LRFN5: variants seen among roughly 807,000 people sequenced by gnomAD.
The protein encoded by LRFN5 is leucine-rich repeat and fibronectin type-III domain-containing protein 5.
LRFN5 carries 24 observed loss-of-function variants against 45.6 expected under a neutral mutation model. The ratio of observed to expected loss-of-function variants is 0.53; its 90% CI spans 0.38 to 0.74. LRFN5 has a LOEUF of 0.74. LRFN5 is among the 30% of genes least tolerant of loss of function. The pLI is 0.00. For missense variants in LRFN5, 776 were observed against 861.5 expected, an observed-to-expected ratio of 0.90 and a Z score of 1.24; for synonymous variants, 340 against 313.8, an observed-to-expected ratio of 1.08 and a Z score of -0.88.
At chr14:41,850,853 A>T (rs190659046) in intron 2 of LRFN5, among the ~76,000 whole-genome samples, 152 of 151,884 alleles carry the variant, frequency 1.0e-3, no homozygotes, top group African/African-American at 3.4e-3. Context: ...AAAACAATTT[A>T]TAACTTTGTT....
intron 1 of LRFN5, among the ~76,000 whole-genome samples, chr14:41,628,856 G>A (rs1888436930): frequency 1.3e-5 from 2 of 152,210 alleles, no homozygotes; most frequent in South Asian, 4.1e-4. Context: ...CTCAACATCA[G>A]ACTCACCTTC....
At chr14:41,646,760 A>T (rs1254897941) in intron 1 of LRFN5, among the ~76,000 whole-genome samples, 3 of 152,100 alleles carry the variant, frequency 2.0e-5, no homozygotes, top group Admixed American at 2.0e-4. Flanking sequence ...TACTAAGGGG[A>T]TCTCTTTCCT....
chr14:41,771,591 A>G (rs1173349764), intron 2 of LRFN5, among the ~76,000 whole-genome samples: 20 of 152,036 alleles, frequency 1.3e-4, no homozygotes. Context: ...CAACTTTCAC[A>G]GATCCCTAGG....
intron 3 of LRFN5, 35 bp from the exon 4 acceptor site, chr14:41,891,215 T>C (rs1190271863): frequency 1.3e-6 from 2 of 1,544,536 alleles, no homozygotes; most frequent in Admixed American, 1.7e-5. Flanking sequence ...TTTTGTTTTG[T>C]TATTAATATT....
intron 1 of LRFN5, among the ~76,000 whole-genome samples, chr14:41,698,185 C>A (rs1594625624): frequency 6.6e-6 from 1 of 151,966 alleles, no homozygotes; most frequent in African/African-American, 2.4e-5. Context: ...TCAAAGATTA[C>A]AGGAGAACCT....
At chr14:41,769,063 G>A (rs578185848) in intron 2 of LRFN5, among the ~76,000 whole-genome samples, 45 of 150,640 alleles carry the variant, frequency 3.0e-4, no homozygotes, top group African/African-American at 1.0e-3. Flanking sequence ...AATGTCTTGC[G>A]TGAAATTAAT....
chr14:41,691,945 T>G (rs1178381651), intron 1 of LRFN5, among the ~76,000 whole-genome samples: 1 of 152,140 alleles, frequency 6.6e-6, no homozygotes, highest in Middle Eastern at 3.2e-3. Context: ...TCCATGGTGT[T>G]CTTATACCAC....
rs561085601 is a variant in LRFN5 at position 41,651,045 on chromosome 14, A to G, written c.-197+42483A>G. 2.0e-5 allele frequency among the ~76,000 whole-genome samples: 3 copies of G among 152,312 alleles called. No homozygotes were observed. In the South Asian group the frequency reaches 6.2e-4, roughly 32 times the overall value. ...TTCCTTGTGTTTTTCTATATATGAA[A>G]TAAGCATGTTTTAATTTGAATTTGG... On this transcript the variant is annotated intron_variant, in intron 1 of 5. Coordinates refer to ENST00000298119, the MANE Select transcript of LRFN5 (RefSeq NM_152447.5).
chr14:41,716,154 GC>G (rs1883485868), intron 1 of LRFN5, among the ~76,000 whole-genome samples: 1 of 152,066 alleles, frequency 6.6e-6, no homozygotes. Context: ...CCTGGGACTG[GC>G]CCCCAAGACC....
intron 2 of LRFN5, among the ~76,000 whole-genome samples, chr14:41,816,000 G>A (rs933879194): frequency 6.6e-6 from 1 of 151,962 alleles, no homozygotes; most frequent in Non-Finnish European, 1.5e-5. Flanking sequence ...TCTCTAGAGT[G>A]TGCGATATAC....
chr14:41,768,035 AG>A (rs1193600370), intron 2 of LRFN5, among the ~76,000 whole-genome samples: 1 of 152,152 alleles, frequency 6.6e-6, no homozygotes, highest in East Asian at 1.9e-4. Flanking sequence ...ATAGAACAAA[AG>A]TTTGATATAG....
chr14:41,670,344 A>G (rs1253353729), intron 1 of LRFN5, among the ~76,000 whole-genome samples: 2 of 142,012 alleles, frequency 1.4e-5, no homozygotes, highest in African/African-American at 2.6e-5. Context: ...AAGAATATAT[A>G]TTATTAAAGG....
intron 2 of LRFN5, among the ~76,000 whole-genome samples, chr14:41,810,075 ATAAT>A (rs1887684660): frequency 6.6e-6 from 1 of 152,204 alleles, no homozygotes; most frequent in East Asian, 1.9e-4. Context: ...AATTAACATT[ATAAT>A]TAGTGTTTTT....
intron 2 of LRFN5, among the ~76,000 whole-genome samples, chr14:41,856,675 A>ATTATTATTATTTTTTT: frequency 0.071 from 1,300 of 18,410 alleles, 241 homozygotes; most frequent in Non-Finnish European, 0.13. Context: ...TATTATTATT[A>ATTATTATTATTTTTTT]TTTTTTTTTT....
intron 2 of LRFN5, among the ~76,000 whole-genome samples, chr14:41,830,487 T>A (rs556847409): frequency 4.7e-4 from 72 of 152,328 alleles, no homozygotes; most frequent in African/African-American, 1.4e-3. Flanking sequence ...TGTGAAAGAT[T>A]TATCTTTAGA....
chr14:41,726,952 C>G (rs1883961422), intron 1 of LRFN5, among the ~76,000 whole-genome samples: 1 of 151,976 alleles, frequency 6.6e-6, no homozygotes, highest in Non-Finnish European at 1.5e-5. Context: ...GTTTCTTTAC[C>G]AGTTATTTTT....
At chr14:41,663,896 T>C (rs1365985590) in intron 1 of LRFN5, among the ~76,000 whole-genome samples, 1 of 152,020 alleles carries the variant, frequency 6.6e-6, no homozygotes, top group African/African-American at 2.4e-5. Context: ...AAACCTCTCA[T>C]ATAGGAGAGA....
intron 1 of LRFN5, among the ~76,000 whole-genome samples, chr14:41,722,410 C>A (rs1318653554): frequency 6.6e-6 from 1 of 152,086 alleles, no homozygotes; most frequent in Non-Finnish European, 1.5e-5. Context: ...TAGTGTGATC[C>A]ATTGGTTGTT....
intron 1 of LRFN5, among the ~76,000 whole-genome samples, chr14:41,702,017 G>A (rs889237613): frequency 3.9e-5 from 6 of 152,156 alleles, no homozygotes; most frequent in Non-Finnish European, 7.4e-5. Context: ...ACCTCCTGGA[G>A]CAGTAGCAAT....
Sources: gnomAD v4.1 joint callset for allele counts (sites outside exome capture counted in the v4.1 genomes callset) on GRCh38, gnomAD v4.1.1 for gene constraint, MANE v1.5 for transcripts, NCBI Gene and HGNC (gene_info 2026-07-23, HGNC 2026-07-21) for gene names.